GALNT14: variants seen among roughly 807,000 people sequenced by gnomAD.
GALNT14 encodes the protein UDP-GalNAc:polypeptide N-acetylgalactosaminyltransferase 14.
A neutral mutation model predicts 77.5 loss-of-function variants in GALNT14; 60 were observed. The observed-to-expected ratio is 0.77, with a 90% CI of 0.63 to 0.96. The LOEUF is 0.96. Among genes scored for constraint, GALNT14 ranks in the 40% least tolerant of loss-of-function variants. The pLI is 0.00. For missense variants in GALNT14, 710 were observed against 731.0 expected (o/e 0.97, Z 0.33); for synonymous variants, 280 against 281.7 (o/e 0.99, Z 0.06).
chr2:30,985,529 T>TA (rs565264340), intron 2 of GALNT14, among the ~76,000 whole-genome samples: 21 of 152,284 alleles, frequency 1.4e-4, no homozygotes, highest in African/African-American at 4.8e-4. Context: ...CCTCCCCTCT[T>TA]ACCCTGGCAA....
chr2:30,938,509 G>A (rs1572998764), intron 9 of GALNT14, among the ~76,000 whole-genome samples: 1 of 152,048 alleles, frequency 6.6e-6, no homozygotes, highest in South Asian at 2.1e-4. Context: ...TGCAGTTTAA[G>A]CATCCAATTT....
At chr2:30,997,837 A>G (rs577909196) in intron 1 of GALNT14, among the ~76,000 whole-genome samples, 1 of 152,348 alleles carries the variant, frequency 6.6e-6, no homozygotes. Context: ...AGAACATTTA[A>G]AAGTCTCTGT....
intron 1 of GALNT14, among the ~76,000 whole-genome samples, chr2:31,044,522 A>G (rs1432435680): frequency 6.6e-6 from 1 of 152,220 alleles, no homozygotes; most frequent in Non-Finnish European, 1.5e-5. Context: ...CTTGTACTTC[A>G]ATACTCCCTA....
At chr2:31,057,321 T>G (rs985395184) in intron 1 of GALNT14, among the ~76,000 whole-genome samples, 28 of 124,434 alleles carry the variant, frequency 2.3e-4, no homozygotes, top group Middle Eastern at 4.3e-3. Context: ...ATATATAAAA[T>G]TATATATTAT....
intron 1 of GALNT14, among the ~76,000 whole-genome samples, chr2:31,037,952 T>C (rs1044245926): frequency 6.6e-6 from 1 of 151,322 alleles, no homozygotes; most frequent in African/African-American, 2.4e-5. Context: ...ACAGTCCTAC[T>C]TGTGTGCATG....
chr2:31,067,355 C>G (rs1282237074), intron 1 of GALNT14, among the ~76,000 whole-genome samples: 1 of 152,094 alleles, frequency 6.6e-6, no homozygotes, highest in Non-Finnish European at 1.5e-5. Context: ...CCCTCGTTAC[C>G]CTAGAGAAGC....
intron 1 of GALNT14, among the ~76,000 whole-genome samples, chr2:31,043,096 G>A (rs560997933): frequency 1.3e-5 from 2 of 152,060 alleles, no homozygotes; most frequent in African/African-American, 2.4e-5. Context: ...CTTGCTGTTC[G>A]TCAGATGCTC....
At chr2:30,940,815 C>T (rs894126534) in intron 9 of GALNT14, among the ~76,000 whole-genome samples, 6 of 152,160 alleles carry the variant, frequency 3.9e-5, no homozygotes, top group African/African-American at 1.4e-4. Context: ...TCCAGAAGGC[C>T]TTCATGGGCT....
rs2148657708 is a variant in GALNT14, at chr2:31,137,862, C to T, written c.129+96G>A. 3 of 1,471,240 alleles carry T rather than the reference C, an allele frequency of 2.0e-6. No individual in the cohort carries two copies. In the East Asian group the frequency reaches 7.4e-5, roughly 36 times the overall value. The allele number at this position is 1,471,240 out of a possible 1,614,324, so 91.1% of individuals were successfully genotyped here. A position where few individuals can be genotyped will look rare whatever the true frequency, so the allele number is the denominator to read the frequency against. On this transcript the variant is annotated intron_variant, in intron 1 of 14. Transcript: ENST00000349752. ...TACCTGCTCGCAGCACCCAGACCCT[C>T]GCCCTGGTTTCCCGGGAGCCCGCAA...
intron 1 of GALNT14, among the ~76,000 whole-genome samples, chr2:31,069,970 G>C (rs1184506190): frequency 6.6e-6 from 1 of 152,114 alleles, no homozygotes; most frequent in Non-Finnish European, 1.5e-5. Flanking sequence ...ACCGAGAGAA[G>C]AGGAGGAGGA....
intron 1 of GALNT14, among the ~76,000 whole-genome samples, chr2:31,003,750 CAT>C (rs945233783): frequency 6.6e-6 from 1 of 152,144 alleles, no homozygotes; most frequent in African/African-American, 2.4e-5. Flanking sequence ...AACAGTGAAA[CAT>C]AATATGATTA....
intron 1 of GALNT14, among the ~76,000 whole-genome samples, chr2:31,058,667 C>T (rs907417201): frequency 6.6e-6 from 1 of 152,162 alleles, no homozygotes; most frequent in African/African-American, 2.4e-5. Context: ...ACTCATTTAC[C>T]TCCTTTTCCA....
At chr2:30,994,430 C>A (rs928152300) in intron 1 of GALNT14, among the ~76,000 whole-genome samples, 4 of 152,210 alleles carry the variant, frequency 2.6e-5, no homozygotes, top group Non-Finnish European at 5.9e-5. Flanking sequence ...TTCATCTGGG[C>A]ACCATGGTGA....
intron 1 of GALNT14, among the ~76,000 whole-genome samples, chr2:31,055,374 C>T (rs528927059): frequency 6.6e-6 from 1 of 152,346 alleles, no homozygotes; most frequent in African/African-American, 2.4e-5. Context: ...ACTTTAAACG[C>T]TTCAATTAAA....
chr2:31,016,894 T>C (rs953811613), intron 1 of GALNT14, among the ~76,000 whole-genome samples: 1 of 152,202 alleles, frequency 6.6e-6, no homozygotes, highest in African/African-American at 2.4e-5. Context: ...AAGCTTAGGA[T>C]AGTGCCTGGC....
At chr2:31,010,152 A>C (rs1670928378) in intron 1 of GALNT14, among the ~76,000 whole-genome samples, 1 of 152,118 alleles carries the variant, frequency 6.6e-6, no homozygotes, top group African/African-American at 2.4e-5. Flanking sequence ...CATCTGCCTA[A>C]TTTTTGTATC....
At chr2:30,923,846 A>G (rs1665187471) in intron 13 of GALNT14, among the ~76,000 whole-genome samples, 3 of 151,914 alleles carry the variant, frequency 2.0e-5, no homozygotes, top group South Asian at 4.2e-4. Context: ...ACTACAACAA[A>G]CTCATTAAGC....
chr2:31,080,038 C>G (rs765950814), intron 1 of GALNT14, among the ~76,000 whole-genome samples: 10 of 152,222 alleles, frequency 6.6e-5, no homozygotes, highest in Non-Finnish European at 1.3e-4. Flanking sequence ...GATGCCCACT[C>G]AAAGGGATGC....
chr2:30,942,142 G>A (rs888041732), intron 9 of GALNT14, 59 bp downstream of exon 9: 6 of 1,265,856 alleles, frequency 4.7e-6, no homozygotes, highest in East Asian at 2.4e-5. Context: ...AGAGGTCCCC[G>A]CCCCAATCCC....
Sources: allele counts gnomAD v4.1 joint callset (sites outside exome capture counted in the v4.1 genomes callset), GRCh38; gene constraint gnomAD v4.1.1; transcripts MANE v1.5; gene names NCBI Gene and HGNC (gene_info 2026-07-23, HGNC 2026-07-21).